The following ARHGAP24 variants were observed in gnomAD, a reference collection of about 807,000 sequenced individuals.
ARHGAP24 encodes the protein Rho GTPase activating protein 24.
A neutral mutation model predicts 76.4 loss-of-function variants in ARHGAP24; 50 were observed. That is an observed-to-expected ratio of 0.65 (90% CI 0.52 to 0.83). The LOEUF is 0.83. Among genes scored for constraint, ARHGAP24 ranks in the 40% least tolerant of loss-of-function variants. ARHGAP24 has a pLI of 0.00. For synonymous variants in ARHGAP24, 345 were observed against 323.3 expected (o/e 1.07, Z -0.72); for missense variants, 930 against 914.2 (o/e 1.02, Z -0.22).
intron 3 of ARHGAP24, among the ~76,000 whole-genome samples, chr4:85,770,140 A>G (rs1344865635): frequency 6.6e-6 from 1 of 152,220 alleles, no homozygotes; most frequent in Admixed American, 6.5e-5. Context: ...AACTTGTCAA[A>G]GAATACAGAC....
intron 2 of ARHGAP24, among the ~76,000 whole-genome samples, chr4:85,651,443 A>G (rs1721940374): frequency 6.7e-6 from 1 of 149,154 alleles, no homozygotes; most frequent in African/African-American, 2.6e-5. Flanking sequence ...TGAAGGACAC[A>G]CAGGGATTAG....
At chr4:85,907,662 T>C (rs1421641635) in intron 3 of ARHGAP24, among the ~76,000 whole-genome samples, 3 of 152,176 alleles carry the variant, frequency 2.0e-5, no homozygotes, top group Non-Finnish European at 2.9e-5. Context: ...CTTGCTTATA[T>C]TGGGATTAGA....
At chr4:85,809,474 T>C (rs78374256) in intron 3 of ARHGAP24, among the ~76,000 whole-genome samples, 3,523 of 152,306 alleles carry the variant, frequency 0.023, 127 homozygotes, top group African/African-American at 0.073. Flanking sequence ...CCTTATTCCA[T>C]TCAAGGCATA....
intron 2 of ARHGAP24, among the ~76,000 whole-genome samples, chr4:85,642,171 GGAA>G (rs1251197483): frequency 6.6e-6 from 1 of 152,018 alleles, no homozygotes; most frequent in Non-Finnish European, 1.5e-5. Context: ...CTCCAGCCTT[GGAA>G]AGAAAAAGAG....
chr4:85,496,200 G>T (rs1723576176), intron 1 of ARHGAP24, among the ~76,000 whole-genome samples: 1 of 152,216 alleles, frequency 6.6e-6, no homozygotes, highest in African/African-American at 2.4e-5. Context: ...TGAAAAGGAA[G>T]ATACCACCGG....
intron 2 of ARHGAP24, among the ~76,000 whole-genome samples, chr4:85,622,967 G>T (rs1252246437): frequency 6.6e-6 from 1 of 151,796 alleles, no homozygotes; most frequent in Non-Finnish European, 1.5e-5. Flanking sequence ...TTGTAAATTT[G>T]TTTGAGTTCA....
At chr4:85,826,722 T>G (rs72658241) in intron 3 of ARHGAP24, among the ~76,000 whole-genome samples, 1 of 152,144 alleles carries the variant, frequency 6.6e-6, no homozygotes, top group African/African-American at 2.4e-5. Flanking sequence ...GCCAAGGAAG[T>G]AGACAAAACA....
chr4:85,592,068 C>T (rs1371922300), intron 2 of ARHGAP24, among the ~76,000 whole-genome samples: 1 of 152,116 alleles, frequency 6.6e-6, no homozygotes, highest in Non-Finnish European at 1.5e-5. Context: ...AGATGTGACT[C>T]CCACTGTTCC....
chr4:85,768,305 G>T (rs537528641), intron 3 of ARHGAP24, among the ~76,000 whole-genome samples: 13 of 152,284 alleles, frequency 8.5e-5, no homozygotes, highest in Admixed American at 4.6e-4. Flanking sequence ...GCTGTGCATT[G>T]TATAAGGACT....
chr4:85,923,701 A>G lies in ARHGAP24; in HGVS notation c.322A>G (p.Ser108Gly). ...ANHESYLLMASTQNDMEDWVK... is the reference protein window; with the variant it reads ...ANHESYLLMAGTQNDMEDWVK... Reference sequence around the variant, plus strand: ...TCATGAAAGCTACCTCCTCATGGCAAGCACCCAGAATGATATGGAAGACTG... The same window carrying G: ...TCATGAAAGCTACCTCCTCATGGCAGGCACCCAGAATGATATGGAAGACTG... Residue 108 changes from serine (S) to glycine (G), a missense_variant, in exon 4 of 10, where the codon AGC becomes GGC. Transcript: ENST00000395184. 6.2e-7 allele frequency: 1 copy of G among 1,614,008 alleles called. No homozygotes were observed. Among genetic ancestry groups the G allele is most frequent in the Non-Finnish European group, 8.5e-7 (1 of 1,179,962 alleles).
rs139883245 is a variant in ARHGAP24, at chr4:85,670,028, A to C, written c.181-51857A>C. Among the ~76,000 whole-genome samples the C allele has an allele frequency of 1.5e-3, 234 of 152,108 alleles. 1 individual carries two copies. Among genetic ancestry groups the C allele is most frequent in the African/African-American group, 5.3e-3 (221 of 41,484 alleles). ...AGGAGAGAGGGGTGTGAGCTGTGGA[A>C]AGGAATTTTTATTCAGTTGGAATGG... On this transcript the variant is annotated intron_variant, in intron 2 of 9. Coordinates refer to ENST00000395184, the MANE Select transcript of ARHGAP24 (RefSeq NM_001025616.3).
At position 85,541,216 on chromosome 4, in the gene ARHGAP24, G is replaced by C. The variant is rs560936561; in HGVS notation, c.-20-29306G>C. Among the ~76,000 whole-genome samples, 526 of 105,588 alleles carry C rather than the reference G, an allele frequency of 5.0e-3. 7 individuals carry two copies. Among genetic ancestry groups the C allele is most frequent in the Middle Eastern group, 0.017 (3 of 176 alleles). The allele number at this position is 105,588 out of a possible 152,430, so 69.3% of individuals were successfully genotyped here. ...TCGCCCAGGCTGGAGTGCAGTGGCG[G>C]TATCTCGGCTCACTGCAAGCTCCGC... On this transcript the variant is annotated intron_variant, in intron 1 of 9. Transcript: ENST00000395184.
intron 3 of ARHGAP24, among the ~76,000 whole-genome samples, chr4:85,906,924 G>A (rs1005776642): frequency 2.0e-5 from 3 of 152,206 alleles, no homozygotes; most frequent in South Asian, 2.1e-4. Flanking sequence ...CATTTTCATC[G>A]TTTCTATTTT....
intron 3 of ARHGAP24, among the ~76,000 whole-genome samples, chr4:85,752,271 G>C (rs1407083135): frequency 6.6e-6 from 1 of 152,160 alleles, no homozygotes. Context: ...CAGTGAATAA[G>C]TACAGTTTGT....
chr4:85,778,218 A>G (rs1307137466), intron 3 of ARHGAP24, among the ~76,000 whole-genome samples: 2 of 152,204 alleles, frequency 1.3e-5, no homozygotes, highest in African/African-American at 4.8e-5. Context: ...AAAGGAAAAG[A>G]TTATTTCCTA....
chr4:85,883,791 A>G (rs1022435734), intron 3 of ARHGAP24, among the ~76,000 whole-genome samples: 8 of 152,178 alleles, frequency 5.3e-5, no homozygotes, highest in Non-Finnish European at 1.2e-4. Context: ...GAAGCCATAC[A>G]AACTTTATTT....
chr4:85,901,213 A>G (rs1030271189), intron 3 of ARHGAP24, among the ~76,000 whole-genome samples: 3 of 152,194 alleles, frequency 2.0e-5, no homozygotes, highest in African/African-American at 7.2e-5. Flanking sequence ...TTAGAAAAAA[A>G]TAAGAAAAAC....
intron 2 of ARHGAP24, among the ~76,000 whole-genome samples, chr4:85,679,604 C>T (rs1228021552): frequency 6.6e-6 from 1 of 152,162 alleles, no homozygotes; most frequent in African/African-American, 2.4e-5. Context: ...TACACATTTT[C>T]TACTCACAGC....
chr4:85,519,966 G>A (rs928783747), intron 1 of ARHGAP24, among the ~76,000 whole-genome samples: 2 of 152,030 alleles, frequency 1.3e-5, no homozygotes, highest in African/African-American at 2.4e-5. Context: ...TTTTGTACTT[G>A]TTCTATCCCT....
Sources: allele counts gnomAD v4.1 joint callset (sites outside exome capture counted in the v4.1 genomes callset), GRCh38; gene constraint gnomAD v4.1.1; transcripts MANE v1.5; gene names NCBI Gene and HGNC (gene_info 2026-07-23, HGNC 2026-07-21).